Variants in PTER observed in about 807,000 individuals in gnomAD.
PTER encodes N-acetyltaurine hydrolase.
PTER carries 38 observed loss-of-function variants against 29.6 expected under a neutral mutation model. The ratio of observed to expected loss-of-function variants is 1.28; its 90% CI spans 0.99 to 1.68. PTER has a LOEUF of 1.68. PTER is among the 40% of genes most tolerant of loss of function. The probability of loss-of-function intolerance (pLI) is 0.00; values close to 1 mark genes in which losing one functional copy is unlikely to be tolerated. For synonymous variants in PTER, 172 were observed against 154.5 expected (o/e 1.11, Z -0.84); for missense variants, 482 against 427.8 (o/e 1.13, Z -1.12).
chr10:16,444,552 G>C (rs952506260), intron 1 of PTER, among the ~76,000 whole-genome samples: 3 of 152,012 alleles, frequency 2.0e-5, no homozygotes, highest in African/African-American at 7.2e-5. Flanking sequence ...GATGCACCTG[G>C]TTAATTTAAA....
At chr10:16,494,869 G>C (rs1374508461) in intron 3 of PTER, among the ~76,000 whole-genome samples, 2 of 152,102 alleles carry the variant, frequency 1.3e-5, no homozygotes, top group Admixed American at 6.5e-5. Context: ...GCTGTCATTA[G>C]CAGTGTAAGA....
At chr10:16,497,652 G>A (rs771462232) in intron 3 of PTER, among the ~76,000 whole-genome samples, 1 of 152,150 alleles carries the variant, frequency 6.6e-6, no homozygotes, top group African/African-American at 2.4e-5. Context: ...TCCTACCCAC[G>A]GATCAAATTC....
chr10:16,447,880 C>T (rs1310872310), intron 1 of PTER, among the ~76,000 whole-genome samples: 2 of 152,120 alleles, frequency 1.3e-5, no homozygotes, highest in Non-Finnish European at 2.9e-5. Context: ...GATTGGAGAC[C>T]ATGGGCATTT....
chr10:16,481,158 T>A (rs942954016), intron 1 of PTER, among the ~76,000 whole-genome samples: 12 of 152,340 alleles, frequency 7.9e-5, no homozygotes, highest in Non-Finnish European at 1.2e-4. Context: ...TTGACCCATG[T>A]GTTTGTAGCT....
intron 3 of PTER, among the ~76,000 whole-genome samples, chr10:16,502,049 G>A (rs933093268): frequency 5.3e-5 from 8 of 152,148 alleles, no homozygotes; most frequent in African/African-American, 9.7e-5. Context: ...CATTTACCAC[G>A]GACTTTTCAC....
At chr10:16,519,008 C>A in the PTER span, among the ~76,000 whole-genome samples, 3 of 151,914 alleles carry the variant, frequency 2.0e-5, no homozygotes, top group Admixed American at 6.6e-5. Flanking sequence ...TAATAAACAA[C>A]CCTGTCAGTG....
intron 1 of PTER, among the ~76,000 whole-genome samples, chr10:16,477,258 CGATAGATAGATA>C (rs56294482): frequency 1.7e-3 from 256 of 147,988 alleles, no homozygotes; most frequent in Non-Finnish European, 1.1e-3. Context: ...TTCTGTCTTT[CGATAGATAGATA>C]GATAGATAGA....
intron 1 of PTER, among the ~76,000 whole-genome samples, chr10:16,444,333 A>G (rs550847064): frequency 9.9e-5 from 15 of 151,732 alleles, no homozygotes; most frequent in African/African-American, 3.6e-4. Context: ...TCTGTCACCC[A>G]GGCCGGAGTG....
At chr10:16,443,045 A>C (rs7093826) in intron 1 of PTER, among the ~76,000 whole-genome samples, 2,556 of 152,218 alleles carry the variant, frequency 0.017, 65 homozygotes, top group African/African-American at 0.059. Context: ...TGTAGCTTAG[A>C]TTAGATGACC....
intron 1 of PTER, among the ~76,000 whole-genome samples, chr10:16,467,136 C>G (rs1294306929): frequency 6.6e-6 from 1 of 152,120 alleles, no homozygotes; most frequent in East Asian, 1.9e-4. Flanking sequence ...TTTCAGTTAC[C>G]TGTAGTCAAC....
chr10:16,494,708 T>C (rs1018334918), intron 3 of PTER, among the ~76,000 whole-genome samples: 4 of 152,214 alleles, frequency 2.6e-5, no homozygotes, highest in Non-Finnish European at 4.4e-5. Context: ...ATTACATATT[T>C]TTAATCATAG....
intron 3 of PTER, among the ~76,000 whole-genome samples, chr10:16,501,331 A>G (rs1420747119): frequency 1.3e-5 from 1 of 77,138 alleles, no homozygotes; most frequent in African/African-American, 7.3e-5. Context: ...GAATAACTAC[A>G]CACACACACA....
chr10:16,474,413 A>G (rs1835179369), intron 1 of PTER, among the ~76,000 whole-genome samples: 1 of 152,180 alleles, frequency 6.6e-6, no homozygotes, highest in African/African-American at 2.4e-5. Flanking sequence ...TCTAACCATT[A>G]GGGCATATTT....
chr10:16,489,423 T>C (rs1371689945), intron 3 of PTER, among the ~76,000 whole-genome samples: 1 of 152,204 alleles, frequency 6.6e-6, no homozygotes, highest in Non-Finnish European at 1.5e-5. Flanking sequence ...TGATATAGTT[T>C]ACTAGTTCTT....
At chr10:16,459,281 C>T (rs940049111) in intron 1 of PTER, among the ~76,000 whole-genome samples, 1 of 152,162 alleles carries the variant, frequency 6.6e-6, no homozygotes, top group Non-Finnish European at 1.5e-5. Flanking sequence ...TTTTACGTGT[C>T]ACTTGGGCAA....
At chr10:16,457,004 G>A (rs1011543654) in intron 1 of PTER, among the ~76,000 whole-genome samples, 2 of 152,118 alleles carry the variant, frequency 1.3e-5, no homozygotes, top group Admixed American at 1.3e-4. Flanking sequence ...CTCTAGCCAC[G>A]TGCAACTGTG....
chr10:16,504,967 A>G lies in PTER; in HGVS notation c.699-53A>G, dbSNP rs1315945909. The G allele has an allele frequency of 3.3e-5, 53 of 1,599,790 alleles. No homozygotes were observed. In the East Asian group the frequency reaches 1.1e-3, roughly 32 times the overall value. ...TGTGCTTAAAACTTCTAGTATGTAC[A>G]TGTGGAAAATGGGCTCTTCATAATA... On this transcript the variant is annotated intron_variant, in intron 3 of 4. Transcript: ENST00000535784.
At chr10:16,460,724 T>C in intron 1 of PTER, among the ~76,000 whole-genome samples, 1 of 152,292 alleles carries the variant, frequency 6.6e-6, no homozygotes, top group Non-Finnish European at 1.5e-5. Context: ...ATAAGTCTAA[T>C]CAAAAAGAGA....
At chr10:16,474,549 TG>T (rs1175141336) in intron 1 of PTER, among the ~76,000 whole-genome samples, 10 of 152,252 alleles carry the variant, frequency 6.6e-5, no homozygotes, top group African/African-American at 2.4e-4. Context: ...CCTACCCATT[TG>T]GGGTGCTCTA....
Sources: gnomAD v4.1 joint callset for allele counts (sites outside exome capture counted in the v4.1 genomes callset) on GRCh38, gnomAD v4.1.1 for gene constraint, MANE v1.5 for transcripts, NCBI Gene and HGNC (gene_info 2026-07-23, HGNC 2026-07-21) for gene names.